Variants in TRIM13 observed in about 807,000 individuals in gnomAD.
TRIM13 encodes the protein tripartite motif containing 13.
TRIM13 carries 15 observed loss-of-function variants against 27.1 expected under a neutral mutation model. The ratio of observed to expected loss-of-function variants is 0.55; its 90% CI spans 0.37 to 0.85. The LOEUF is 0.85. Among genes scored for constraint, TRIM13 ranks in the 40% least tolerant of loss-of-function variants. The pLI is 0.00. For synonymous variants in TRIM13, 193 were observed against 171.5 expected (o/e 1.13, Z -0.98); for missense variants, 402 against 472.2 (o/e 0.85, Z 1.38).
In TRIM13 at chr13:50,018,302, C is replaced by T. The variant is rs1876872542; in HGVS notation, c.*5138C>T. 6.0e-6 allele frequency: 1 copy of T among 166,808 alleles called. No homozygotes were observed. The highest frequency in any genetic ancestry group is 1.5e-5 in the Non-Finnish European group (1 of 68,110). 10.3% of individuals were successfully genotyped at this position (166,808 alleles called of 1,614,324 possible). A position where few individuals can be genotyped will look rare whatever the true frequency, so the allele number is the denominator to read the frequency against. On this transcript the variant is annotated 3_prime_UTR_variant, in exon 2 of 2. Transcript: ENST00000378182. ...TGTTACAATCTACTATCTGTATATA[C>T]TATTTGTATCTTAATTCTTTTATGA...
chr13:50,012,704 T>A lies in TRIM13; in HGVS notation c.764T>A (p.Phe255Tyr). Residue 255 changes from phenylalanine to tyrosine, a missense_variant, in exon 2 of 2, where the codon TTT becomes TAT. Phe to Tyr is a conservative substitution (Grantham distance 22). This residue lies in a region of TRIM13 where 200 missense variants were observed against 194.7 expected (regional missense o/e 1.03). Coordinates refer to ENST00000378182, the MANE Select transcript of TRIM13 (RefSeq NM_213590.3). ...GTATTTCTGCAACAGATGCAGGAGT[T>A]TAGAGAGAAAATCAAAGTAATCAAG... ...PIVFLQQMQEFREKIKVIKET... is the reference protein window; with the variant it reads ...PIVFLQQMQEYREKIKVIKET... 1 of 1,614,082 alleles carries A rather than the reference T, an allele frequency of 6.2e-7. No homozygotes were observed. The highest frequency in any genetic ancestry group is 8.5e-7 in the Non-Finnish European group (1 of 1,180,006).
chr13:50,002,684 A>C (rs1449493847), intron 1 of TRIM13, among the ~76,000 whole-genome samples: 3 of 150,234 alleles, frequency 2.0e-5, no homozygotes, highest in Non-Finnish European at 1.5e-5. Context: ...TCTTTTTGAG[A>C]TGGAGTCTCA....
rs1876342175 is a variant in TRIM13 at position 50,015,117 on chromosome 13, A to ATATATAT, written c.*1954_*1960dup. 1 of 23,234 alleles carries ATATATAT rather than the reference A, an allele frequency of 4.3e-5. No homozygotes were observed. Among genetic ancestry groups the ATATATAT allele is most frequent in the African/African-American group, 1.3e-4 (1 of 7,832 alleles). The allele number at this position is 23,234 out of a possible 1,614,324, so 1.4% of individuals were successfully genotyped here. ...AAAATATATATATATATATATATAT[A>ATATATAT]TATATATATATATATATATATATAT... On this transcript the variant is annotated 3_prime_UTR_variant, in exon 2 of 2. Transcript: ENST00000378182.
chr13:50,003,390 G>T (rs1874294082), intron 1 of TRIM13, among the ~76,000 whole-genome samples: 2 of 152,132 alleles, frequency 1.3e-5, no homozygotes, highest in Admixed American at 1.3e-4. Flanking sequence ...GTAATATTTT[G>T]AACAACTTTA....
At chr13:50,002,563 G>A (rs537569964) in intron 1 of TRIM13, among the ~76,000 whole-genome samples, 1 of 152,018 alleles carries the variant, frequency 6.6e-6, no homozygotes, top group African/African-American at 2.4e-5. Context: ...GAAAACTCAA[G>A]AAGAATATTA....
In TRIM13 at chr13:50,016,077, T is replaced by G; in HGVS notation, c.*2913T>G. On this transcript the variant is annotated 3_prime_UTR_variant, in exon 2 of 2. Coordinates refer to ENST00000378182, the MANE Select transcript of TRIM13 (RefSeq NM_213590.3). ...GATAACCAAACTGGAGTCAGGTATT[T>G]TGTACTTTGCAGTATTTCTCTTGTA... The G allele has an allele frequency of 6.2e-7, 1 of 1,607,382 alleles. No homozygotes were observed. Among genetic ancestry groups the G allele is most frequent in the Non-Finnish European group, 8.5e-7 (1 of 1,174,230 alleles).
chr13:50,003,055 A>G (rs914177064), intron 1 of TRIM13, among the ~76,000 whole-genome samples: 1 of 152,186 alleles, frequency 6.6e-6, no homozygotes. Context: ...ATAGTACACT[A>G]TTTGAAAATA....
intron 1 of TRIM13, among the ~76,000 whole-genome samples, chr13:50,004,851 G>A (rs545611928): frequency 2.6e-4 from 39 of 151,894 alleles, no homozygotes; most frequent in Admixed American, 2.2e-3. Flanking sequence ...CAAGGAGGGC[G>A]GATTACCTGA....
intron 1 of TRIM13, among the ~76,000 whole-genome samples, chr13:50,004,666 A>G (rs1238290513): frequency 6.6e-6 from 1 of 152,036 alleles, no homozygotes; most frequent in East Asian, 1.9e-4. Context: ...CGGGAGGCTG[A>G]CGCAAGAGAA....
At chr13:50,000,426 G>A (rs949284774) in intron 1 of TRIM13, among the ~76,000 whole-genome samples, 1 of 152,098 alleles carries the variant, frequency 6.6e-6, no homozygotes, top group Admixed American at 6.5e-5. Context: ...TTCTCTATAA[G>A]GTGTTTACCT....
rs1351147223 is a variant in TRIM13, at chr13:50,013,320, A to T, written c.*156A>T. On this transcript the variant is annotated 3_prime_UTR_variant, in exon 2 of 2. Coordinates refer to ENST00000378182, the MANE Select transcript of TRIM13 (RefSeq NM_213590.3). ...CATGTTCAAATTAGGTAGCATAAAG[A>T]TAAAAGTGAAATTTAGTAGTATAGG... The T allele has an allele frequency of 8.6e-6, 7 of 811,482 alleles. No individual in the cohort carries two copies. In the East Asian group the frequency reaches 2.1e-4, roughly 24 times the overall value. The allele number at this position is 811,482 out of a possible 1,614,324, so 50.3% of individuals were successfully genotyped here.
At chr13:49,998,586 C>A (rs1025629995) in intron 1 of TRIM13, among the ~76,000 whole-genome samples, 3 of 151,646 alleles carry the variant, frequency 2.0e-5, no homozygotes, top group Non-Finnish European at 4.4e-5. Context: ...TCTCACACAT[C>A]ACACAGGAGT....
At chr13:50,009,626 A>G (rs113838782) in intron 1 of TRIM13, among the ~76,000 whole-genome samples, 4,034 of 151,238 alleles carry the variant, frequency 0.027, 96 homozygotes, top group African/African-American at 0.061. Flanking sequence ...AGGCCCAGCT[A>G]CTTGGGAGGC....
Position 50,016,514 on chromosome 13 carries a change from G to A in TRIM13, c.*3350G>A, listed in dbSNP as rs1876603855. ...CTTTCAGTTTTATGATTCAACTACTGTTTTTCCTTCAGCTGACTTTATTTT... is the reference window on the plus strand; with the variant it reads ...CTTTCAGTTTTATGATTCAACTACTATTTTTCCTTCAGCTGACTTTATTTT... On this transcript the variant is annotated 3_prime_UTR_variant, in exon 2 of 2. Coordinates refer to ENST00000378182, the MANE Select transcript of TRIM13 (RefSeq NM_213590.3). The A allele has an allele frequency of 5.9e-6, 1 of 170,224 alleles. No individual in the cohort carries two copies. The highest frequency in any genetic ancestry group is 6.4e-5 in the Admixed American group (1 of 15,672). The allele number at this position is 170,224 out of a possible 1,614,324, so 10.5% of individuals were successfully genotyped here.
rs1876316993 is a variant in TRIM13 at position 50,015,096 on chromosome 13, TATATATATATATATA to T, written c.*1933_*1947del. On this transcript the variant is annotated 3_prime_UTR_variant, in exon 2 of 2. Coordinates refer to ENST00000378182, the MANE Select transcript of TRIM13 (RefSeq NM_213590.3). ...GTAATAAAAAAAAAAAAAAAAAAAA[TATATATATATATATA>T]TATATATATATATATATATATATAT... The T allele has an allele frequency of 1.1e-3, 57 of 49,678 alleles. 8 individuals are homozygous for T. Among genetic ancestry groups the T allele is most frequent in the South Asian group, 4.4e-3 (6 of 1,356 alleles). 3.1% of individuals were successfully genotyped at this position (49,678 alleles called of 1,614,324 possible). A position where few individuals can be genotyped will look rare whatever the true frequency, so the allele number is the denominator to read the frequency against.
At position 50,015,092 on chromosome 13, in the gene TRIM13, A is replaced by ATT. The variant is rs1213943810; in HGVS notation, c.*1928_*1929insTT. 2 of 23,420 alleles carry ATT rather than the reference A, an allele frequency of 8.5e-5. No homozygotes were observed. The highest frequency in any genetic ancestry group is 1.9e-4 in the Non-Finnish European group (2 of 10,716). The allele number at this position is 23,420 out of a possible 1,614,324, so 1.5% of individuals were successfully genotyped here. On this transcript the variant is annotated 3_prime_UTR_variant, in exon 2 of 2. Transcript: ENST00000378182. The stretch of plus-strand genomic sequence containing the variant: ...CCCAGTAATAAAAAAAAAAAAAAAA[A>ATT]AAATATATATATATATATATATATA...
chr13:50,009,736 C>CAAAAAAAAAAAAA (rs35561642), intron 1 of TRIM13, among the ~76,000 whole-genome samples: 1 of 101,200 alleles, frequency 9.9e-6, no homozygotes. Flanking sequence ...GACTCCGTCT[C>CAAAAAAAAAAAAA]AAAAAAAAAA....
intron 1 of TRIM13, among the ~76,000 whole-genome samples, chr13:50,010,493 T>C (rs1875496820): frequency 6.6e-6 from 1 of 152,206 alleles, no homozygotes; most frequent in Non-Finnish European, 1.5e-5. Context: ...ATTTGTAACA[T>C]GCATTAGTGA....
rs773100412 is a variant in TRIM13, at chr13:50,015,941, C to T, written c.*2777C>T. The T allele has an allele frequency of 1.2e-6, 2 of 1,613,970 alleles. No homozygotes were observed. The highest frequency in any genetic ancestry group is 2.2e-5 in the South Asian group (2 of 91,084). ...AGTGTTTACAGAACAACCTTCAGCG[C>T]CGACCTGGAATGGTAACTTTTTCCC... On this transcript the variant is annotated 3_prime_UTR_variant, in exon 2 of 2. Coordinates refer to ENST00000378182, the MANE Select transcript of TRIM13 (RefSeq NM_213590.3).
Sources: gnomAD v4.1 joint callset for allele counts (sites outside exome capture counted in the v4.1 genomes callset) on GRCh38, gnomAD v4.1.1 for gene constraint, gnomAD v4.1.1 regional missense constraint, MANE v1.5 for transcripts, NCBI Gene and HGNC (gene_info 2026-07-23, HGNC 2026-07-21) for gene names.